NBR1: variants seen among roughly 807,000 people sequenced by gnomAD.
NBR1 encodes the protein NBR1 autophagy cargo receptor, also known as next to BRCA1 gene 1 protein.
A neutral mutation model predicts 115.5 loss-of-function variants in NBR1; 59 were observed. The observed-to-expected ratio is 0.51, with a 90% confidence interval of 0.41 to 0.63. NBR1 has a LOEUF of 0.63. Among genes scored for constraint, NBR1 ranks in the 30% least tolerant of loss-of-function variants. The pLI, the probability that NBR1 is intolerant of heterozygous loss-of-function variation, is 0.00. For missense variants in NBR1, 1,043 were observed against 1,150.5 expected, an observed-to-expected ratio of 0.91 and a Z score of 1.35; for synonymous variants, 373 against 414.7, an observed-to-expected ratio of 0.90 and a Z score of 1.22.
At chr17:43,173,415 G>A (rs1191382569) in intron 1 of NBR1, among the ~76,000 whole-genome samples, 1 of 152,146 alleles carries the variant, frequency 6.6e-6, no homozygotes, top group Non-Finnish European at 1.5e-5. Flanking sequence ...AGCCTCCTGA[G>A]TAGCTGGGAT....
chr17:43,182,211 C>CTTTTTTTTT (rs752789312), intron 5 of NBR1, among the ~76,000 whole-genome samples: 6 of 71,606 alleles, frequency 8.4e-5, no homozygotes, highest in Non-Finnish European at 1.3e-4. Flanking sequence ...CTGTTCTCTC[C>CTTTTTTTTT]TTTTTTTTTT....
chr17:43,192,040 A>G (rs1376627600), intron 10 of NBR1, among the ~76,000 whole-genome samples: 2 of 41,130 alleles, frequency 4.9e-5, no homozygotes, highest in African/African-American at 1.3e-4. Context: ...TTTTTTTTTG[A>G]GATGGAGTCT....
chr17:43,194,538 G>A (rs748880047), intron 13 of NBR1, 39 bp downstream of exon 13: 6 of 1,611,052 alleles, frequency 3.7e-6, no homozygotes, highest in Non-Finnish European at 5.1e-6. Context: ...GGGACAGAGG[G>A]AGAGAGCACA....
chr17:43,170,726 G>A (rs570064530), upstream of NBR1: 1 of 152,376 alleles, frequency 6.6e-6, no homozygotes, highest in African/African-American at 2.4e-5. Flanking sequence ...TTATGGAGAG[G>A]AACATCCAAT....
At chr17:43,201,281 C>T (rs1188560969) in intron 17 of NBR1, among the ~76,000 whole-genome samples, 1 of 152,168 alleles carries the variant, frequency 6.6e-6, no homozygotes, top group East Asian at 1.9e-4. Flanking sequence ...GAAGTTAAAT[C>T]CATTATGGGA....
In NBR1 at chr17:43,196,999, A is replaced by G; in HGVS notation, c.1919A>G (p.Glu640Gly). Residue 640 changes from glutamate (E) to glycine (G), a missense_variant, in exon 16 of 21, where the codon GAA becomes GGA. By Grantham distance (98) the Glu-to-Gly change is moderately conservative. Transcript: ENST00000590996. Reference protein sequence around the residue: ...AENIASVEEAEEDLSGTQFVC... With the variant: ...AENIASVEEAGEDLSGTQFVC... ...AACATTGCTTCTGTGGAGGAAGCAG[A>G]AGAAGACCTGAGTGGGACCCAGTTT... The G allele has an allele frequency of 6.2e-7, 1 of 1,614,000 alleles. No homozygotes were observed. The highest frequency in any genetic ancestry group is 8.5e-7 in the Non-Finnish European group (1 of 1,179,858).
rs2057035141 is a variant in NBR1, at chr17:43,195,037, T to C, written c.1748T>C (p.Val583Ala). ...GAGAGAGTGCCCCACAACACCCCTG[T>C]GGGTAAGAATGTCACTCATTTCATC... ...ELERVPHNTP[V>A]DVTPCMSPLP... The change falls in exon 14 of 21, where the codon GTG becomes GCG. Residue 583 changes from valine (V) to alanine (A), a missense_variant and splice_region_variant. Coordinates refer to ENST00000590996, the MANE Select transcript of NBR1 (RefSeq NM_005899.5). 1 of 1,612,154 alleles carries C rather than the reference T, an allele frequency of 6.2e-7. No homozygotes were observed. The highest frequency in any genetic ancestry group is 8.5e-7 in the Non-Finnish European group (1 of 1,178,492).
chr17:43,210,977 A>T lies in NBR1; in HGVS notation c.*903A>T. The stretch of plus-strand genomic sequence containing the variant: ...GTGAAAGGCAAAAGGCAGGCTCCTA[A>T]ATTAATGTCAGTGAAGTTCAGGGTG... On this transcript the variant is annotated 3_prime_UTR_variant, in exon 21 of 21. Coordinates refer to ENST00000590996, the MANE Select transcript of NBR1 (RefSeq NM_005899.5). 1 of 348,922 alleles carries T rather than the reference A, an allele frequency of 2.9e-6. No individual in the cohort carries two copies. The highest frequency in any genetic ancestry group is 5.1e-6 in the Non-Finnish European group (1 of 195,712). 21.6% of individuals were successfully genotyped at this position (348,922 alleles called of 1,614,324 possible). A position where few individuals can be genotyped will look rare whatever the true frequency, so the allele number is the denominator to read the frequency against.
intron 3 of NBR1, among the ~76,000 whole-genome samples, chr17:43,179,105 G>A (rs1212179820): frequency 6.6e-6 from 1 of 152,144 alleles, no homozygotes; most frequent in African/African-American, 2.4e-5. Context: ...TTGTCCAAAT[G>A]CACAAAAACT....
intron 5 of NBR1, 40 bp downstream of exon 5, chr17:43,180,857 ATAT>A: frequency 1.2e-5 from 17 of 1,362,960 alleles, no homozygotes; most frequent in Non-Finnish European, 1.6e-5. Context: ...AATTTAAAAA[ATAT>A]TATTATGGGT....
intron 2 of NBR1, among the ~76,000 whole-genome samples, 187 bp from the exon 3 acceptor site, chr17:43,177,749 A>G (rs1457098958): frequency 3.3e-5 from 5 of 151,936 alleles, no homozygotes; most frequent in African/African-American, 1.2e-4. Context: ...TTTTATGTAT[A>G]TTTTTACCTG....
chr17:43,179,442 T>C (rs1406481851), intron 4 of NBR1, 30 bp downstream of exon 4: 2 of 1,606,038 alleles, frequency 1.2e-6, no homozygotes, highest in South Asian at 2.2e-5. Context: ...TGTTCAGCCT[T>C]GTTTAAAAAC....
chr17:43,177,252 G>C (rs1231060752), intron 2 of NBR1, among the ~76,000 whole-genome samples: 2 of 133,810 alleles, frequency 1.5e-5, no homozygotes, highest in African/African-American at 5.5e-5. Flanking sequence ...CAGCCTGAGC[G>C]ACAGAGTGAG....
At chr17:43,196,198 C>T (rs556371524) in intron 14 of NBR1, 4 of 255,706 alleles carry the variant, frequency 1.6e-5, no homozygotes, top group East Asian at 1.7e-4. Flanking sequence ...TCTTTTTTCC[C>T]TCTAGATACT....
intron 1 of NBR1, among the ~76,000 whole-genome samples, chr17:43,172,138 T>C (rs1239783685): frequency 1.3e-5 from 2 of 152,178 alleles, no homozygotes; most frequent in African/African-American, 4.8e-5. Flanking sequence ...ATAATGCCAG[T>C]TATGAAAGCT....
At chr17:43,198,287 T>C (rs2057114332) in intron 16 of NBR1, among the ~76,000 whole-genome samples, 1 of 152,122 alleles carries the variant, frequency 6.6e-6, no homozygotes. Context: ...GTCAAAATAA[T>C]ATTGGAGAAT....
At position 43,193,422 on chromosome 17, in the gene NBR1, C is replaced by A. The variant is rs148320569; in HGVS notation, c.1308C>A (p.Ala436=). 4 of 1,613,944 alleles carry A rather than the reference C, an allele frequency of 2.5e-6. No individual in the cohort carries two copies. In the Admixed American group the frequency reaches 6.7e-5, roughly 27 times the overall value. ...KKDVLVPCLK[A]GHVGVVSVEF... The stretch of plus-strand genomic sequence containing the variant: ...ATGTTTTGGTTCCCTGCCTCAAGGC[C>A]GGCCATGTGGGAGTTGTATCTGTGG... Residue 436 remains alanine (A), a synonymous_variant, in exon 12 of 21, where the codon GCC becomes GCA. Coordinates refer to ENST00000590996, the MANE Select transcript of NBR1 (RefSeq NM_005899.5).
chr17:43,201,952 G>A (rs1229354109), intron 18 of NBR1, among the ~76,000 whole-genome samples, 172 bp downstream of exon 18: 6 of 152,008 alleles, frequency 3.9e-5, no homozygotes, highest in African/African-American at 1.4e-4. Flanking sequence ...GGCCAAGGCA[G>A]GCGGATCATA....
chr17:43,179,454 T>C (rs778826416), intron 4 of NBR1, 42 bp downstream of exon 4: 4 of 1,571,270 alleles, frequency 2.5e-6, no homozygotes, highest in Non-Finnish European at 3.5e-6. Context: ...TTTAAAAACC[T>C]TAATCTGCTC....
Sources: gnomAD v4.1 joint callset for allele counts (sites outside exome capture counted in the v4.1 genomes callset) on GRCh38, gnomAD v4.1.1 for gene constraint, MANE v1.5 for transcripts, NCBI Gene and HGNC (gene_info 2026-07-23, HGNC 2026-07-21) for gene names.